Variants in KIF24 observed in about 807,000 individuals in gnomAD.
The protein encoded by KIF24 is kinesin-like protein KIF24.
In KIF24, 81 loss-of-function variants were observed where a neutral mutation model predicts 118.9. That is an observed-to-expected ratio of 0.68 (90% confidence interval 0.57 to 0.82). KIF24 has a LOEUF of 0.82. KIF24 is among the 40% of genes least tolerant of loss of function. KIF24 has a pLI of 0.00. For synonymous variants in KIF24, 599 were observed against 610.0 expected (o/e 0.98, Z 0.27); for missense variants, 1,560 against 1,661.6 (o/e 0.94, Z 1.06).
rs1192893063 is a variant in KIF24, at chr9:34,297,048, T to C, written c.880A>G (p.Thr294Ala). 2 of 1,591,130 alleles carry C rather than the reference T, an allele frequency of 1.3e-6. No individual in the cohort carries two copies. The highest frequency in any genetic ancestry group is 1.3e-5 in the African/African-American group (1 of 74,512). Residue 294 changes from threonine (T) to alanine (A), a missense_variant, in exon 4 of 13, where the codon ACT (threonine) becomes GCT (alanine). Physicochemically the swap from Thr to Ala is moderately conservative, Grantham distance 58. Coordinates refer to ENST00000402558, the MANE Select transcript of KIF24 (RefSeq NM_194313.4). Reference sequence around the variant, plus strand: ...AAAATATGCTGAATAAGTGGGTGAGTAGTCTTCATGTATACATCCTGATTG... The same window carrying C: ...AAAATATGCTGAATAAGTGGGTGAGCAGTCTTCATGTATACATCCTGATTG... ...CTNQDVYMKT[T>A]HPLIQHIFNG...
At chr9:34,290,517 A>G (rs1836217246) in intron 4 of KIF24, 128 bp from the exon 5 acceptor site, 1 of 567,106 alleles carries the variant, frequency 1.8e-6, no homozygotes, top group Non-Finnish European at 3.1e-6. Context: ...AAACACATAA[A>G]CCTTTAAGGA....
rs539057450 is a variant in KIF24, at chr9:34,318,643, C to T, written c.-25-7272G>A. 48 of 1,538,236 alleles carry T rather than the reference C, an allele frequency of 3.1e-5. No individual in the cohort carries two copies. Among genetic ancestry groups the T allele is most frequent in the Admixed American group, 7.0e-5 (4 of 56,898 alleles). ...TGGTGGTGGCCTCGTCGTTGGGGCT[C>T]GTGTCGCTGGGCGGCAAGGCGACCA... On this transcript the variant is annotated intron_variant, in intron 1 of 12. Coordinates refer to ENST00000402558, the MANE Select transcript of KIF24 (RefSeq NM_194313.4). The surrounding 1 kb of genome is among the most constrained non-coding windows in gnomAD (Gnocchi z 4.9).
chr9:34,317,887 T>C (rs1844677845), intron 1 of KIF24, among the ~76,000 whole-genome samples: 1 of 152,194 alleles, frequency 6.6e-6, no homozygotes, highest in South Asian at 2.1e-4. Context: ...TAACCTATAA[T>C]AGGGGTTGGT....
Position 34,306,305 on chromosome 9 carries a change from G to C in KIF24, c.760C>G (p.Leu254Val), listed in dbSNP as rs772466167. ...GCTTCTTTCTTCTCATGCACAAGTA[G>C]AGTTTCTTTGTCTTCTACAGTAATA... ...NIITVEDKET[L>V]LVHEKKEAVD... The change falls in exon 3 of 13, where the codon CTA (leucine) becomes GTA (valine). Residue 254 changes from leucine to valine, a missense_variant. Coordinates refer to ENST00000402558, the MANE Select transcript of KIF24 (RefSeq NM_194313.4). 1.6e-5 allele frequency: 25 copies of C among 1,610,238 alleles called. 1 individual carries two copies. In the South Asian group the frequency reaches 2.6e-4, roughly 17 times the overall value.
intron 3 of KIF24, among the ~76,000 whole-genome samples, chr9:34,304,367 T>C (rs1394420901): frequency 6.6e-6 from 1 of 152,170 alleles, no homozygotes; most frequent in Non-Finnish European, 1.5e-5. Context: ...ATGGAAACTA[T>C]GGGTATTCAA....
At chr9:34,263,278 C>T (rs1019578534) in intron 8 of KIF24, 106 bp from the exon 9 acceptor site, 34 of 781,480 alleles carry the variant, frequency 4.4e-5, no homozygotes, top group Middle Eastern at 2.2e-4. Flanking sequence ...AAACCACACT[C>T]AGACAATCCT....
intron 8 of KIF24, 33 bp from the exon 9 acceptor site, chr9:34,263,205 C>A: frequency 6.4e-7 from 1 of 1,557,574 alleles, no homozygotes; most frequent in South Asian, 1.1e-5. Context: ...CATCAAGTAT[C>A]AAGTGCAAAG....
At chr9:34,286,887 ATTG>A (rs1396256574) in intron 5 of KIF24, among the ~76,000 whole-genome samples, 183 bp from the exon 6 acceptor site, 1 of 152,142 alleles carries the variant, frequency 6.6e-6, no homozygotes, top group African/African-American at 2.4e-5. Flanking sequence ...GTGGTTGTTG[ATTG>A]TTGTAAAATA....
chr9:34,294,842 G>T (rs982027787), intron 4 of KIF24, among the ~76,000 whole-genome samples: 1 of 152,148 alleles, frequency 6.6e-6, no homozygotes, highest in African/African-American at 2.4e-5. Context: ...CCTAAGACCT[G>T]GGGGTGAGGG....
intron 6 of KIF24, among the ~76,000 whole-genome samples, chr9:34,278,701 C>T (rs1835743199): frequency 6.6e-6 from 1 of 152,198 alleles, no homozygotes; most frequent in South Asian, 2.1e-4. Context: ...TTTCCTCTCA[C>T]TGCCTCCTCC....
At chr9:34,332,861 G>T (rs1837983820), upstream of KIF24, among the ~76,000 whole-genome samples, 1 of 152,024 alleles carries the variant, frequency 6.6e-6, no homozygotes, top group Admixed American at 6.6e-5. Flanking sequence ...TCTTCCATTT[G>T]TTATTGTTCT....
Position 34,257,315 on chromosome 9 carries a change from C to T in KIF24, c.2292G>A (p.Leu764=). 7 of 1,614,054 alleles carry T rather than the reference C, an allele frequency of 4.3e-6. No individual in the cohort carries two copies. Among genetic ancestry groups the T allele is most frequent in the South Asian group, 1.1e-5 (1 of 91,090 alleles). ...GTTGGAACTGCTGGTGATAGAAACG[C>T]AGATGTTCCTCCCTCTCCTTCTGAT... The part of the protein sequence containing the change: ...PPHQKEREEH[L]RFYHQQFQQP... The change falls in exon 11 of 13, where the codon CTG becomes CTA. Residue 764 remains leucine, a synonymous_variant. Transcript: ENST00000402558.
intron 8 of KIF24, among the ~76,000 whole-genome samples, chr9:34,266,952 G>C (rs1331931509): frequency 6.6e-6 from 1 of 152,000 alleles, no homozygotes; most frequent in East Asian, 1.9e-4. Flanking sequence ...TAGAAAAAAA[G>C]GTAAACAACA....
intron 6 of KIF24, among the ~76,000 whole-genome samples, chr9:34,272,783 T>C (rs1473326930): frequency 1.3e-5 from 2 of 152,138 alleles, no homozygotes; most frequent in African/African-American, 2.4e-5. Flanking sequence ...TCGCCACACC[T>C]GGCTAATTTT....
chr9:34,297,585 A>G (rs940571587), intron 3 of KIF24, among the ~76,000 whole-genome samples: 1 of 151,986 alleles, frequency 6.6e-6, no homozygotes, highest in Non-Finnish European at 1.5e-5. Context: ...ACACGGTGAA[A>G]CCCCATCTCT....
chr9:34,285,489 G>A (rs962982902), intron 6 of KIF24, among the ~76,000 whole-genome samples: 1 of 151,792 alleles, frequency 6.6e-6, no homozygotes, highest in African/African-American at 2.4e-5. Context: ...AATTAGCCAG[G>A]TCTGGCAGGG....
chr9:34,279,268 C>T (rs887091472), intron 6 of KIF24, among the ~76,000 whole-genome samples: 2 of 152,210 alleles, frequency 1.3e-5, no homozygotes, highest in African/African-American at 4.8e-5. Context: ...TCATTATCTA[C>T]ATGTTTCAGG....
At chr9:34,313,309 C>T (rs1034810829) in intron 1 of KIF24, among the ~76,000 whole-genome samples, 2 of 152,038 alleles carry the variant, frequency 1.3e-5, no homozygotes, top group Non-Finnish European at 2.9e-5. Context: ...AAAAAACAAC[C>T]CAAATATCTG....
At chr9:34,269,226 A>G in intron 8 of KIF24, 31 bp downstream of exon 8, 1 of 1,342,474 alleles carries the variant, frequency 7.4e-7, no homozygotes, top group African/African-American at 1.5e-5. Context: ...TTCAAGAAGG[A>G]TTTTTAGATT....
Sources: allele counts gnomAD v4.1 joint callset (sites outside exome capture counted in the v4.1 genomes callset), GRCh38; gene constraint gnomAD v4.1.1; non-coding constraint Gnocchi (gnomAD v3.1); transcripts MANE v1.5; gene names NCBI Gene and HGNC (gene_info 2026-07-23, HGNC 2026-07-21).